TLN2: variants seen among roughly 807,000 people sequenced by gnomAD.
TLN2 encodes talin 2, also known as talin-2.
Under a neutral mutation model 294.7 loss-of-function variants are expected in TLN2, and 118 were observed. That is an observed-to-expected ratio of 0.40 (90% CI 0.34 to 0.47). The LOEUF is 0.47. Ranked by LOEUF, TLN2 falls within the 20% of genes least tolerant of loss-of-function variation. The probability of loss-of-function intolerance (pLI) is 0.84; values close to 1 mark genes in which losing one functional copy is unlikely to be tolerated. For missense variants in TLN2, 3,083 were observed against 3,282.2 expected, an observed-to-expected ratio of 0.94 and a Z score of 1.48; for synonymous variants, 1,431 against 1,304.5, an observed-to-expected ratio of 1.10 and a Z score of -2.09.
At chr15:62,678,409 A>G (rs570348672) in intron 11 of TLN2, among the ~76,000 whole-genome samples, 97 of 152,376 alleles carry the variant, frequency 6.4e-4, no homozygotes, top group African/African-American at 2.2e-3. Flanking sequence ...GGTGTTTGAT[A>G]AAACTCAACA....
intron 1 of TLN2, among the ~76,000 whole-genome samples, chr15:62,508,717 T>G (rs2039768322): frequency 6.6e-6 from 1 of 152,246 alleles, no homozygotes; most frequent in Admixed American, 6.5e-5. Context: ...TAAATTATCC[T>G]GGAAAATATG....
At position 62,491,337 on chromosome 15, in the gene TLN2, A is replaced by AT. The variant is rs1459674597; in HGVS notation, c.-237-98350_-237-98349insT. The stretch of plus-strand genomic sequence containing the variant: ...GCAAGACTCTGTCTCAAAAAAAAAA[A>AT]ATATATATATATATACACACACACA... On this transcript the variant is annotated intron_variant, in intron 1 of 58. Coordinates refer to ENST00000636159, the MANE Select transcript of TLN2 (RefSeq NM_015059.3). Among the ~76,000 whole-genome samples, 487 of 114,908 alleles carry AT rather than the reference A, an allele frequency of 4.2e-3. 2 individuals are homozygous for AT. Among genetic ancestry groups the AT allele is most frequent in the Non-Finnish European group, 6.3e-3 (350 of 55,986 alleles). 75.4% of individuals were successfully genotyped at this position (114,908 alleles called of 152,430 possible).
chr15:62,763,509 C>T, intron 39 of TLN2, 54 bp from the exon 40 acceptor site: 1 of 1,555,732 alleles, frequency 6.4e-7, no homozygotes, highest in South Asian at 1.2e-5. Flanking sequence ...CTGGAGCAGG[C>T]TGTGGGACTT....
intron 1 of TLN2, among the ~76,000 whole-genome samples, chr15:62,558,275 A>G (rs2042716740): frequency 6.6e-6 from 1 of 152,134 alleles, no homozygotes; most frequent in Non-Finnish European, 1.5e-5. Context: ...TCTGATGTAG[A>G]TATTATAGGA....
chr15:62,675,286 C>T lies in TLN2; in HGVS notation c.922C>T (p.Leu308Phe). Residue 308 changes from leucine (L) to phenylalanine (F), a missense_variant, in exon 11 of 59, where the codon CTC becomes TTC. Physicochemically the swap from Leu to Phe is conservative, Grantham distance 22 (BLOSUM62 0). Transcript: ENST00000636159. ...KVKYVKLARSLRTYGVSFFLV... is the reference protein window; with the variant it reads ...KVKYVKLARSFRTYGVSFFLV... The stretch of plus-strand genomic sequence containing the variant: ...CAAGTACGTCAAACTCGCACGGTCC[C>T]TCCGCACATATGGCGTGTCCTTCTT... The T allele has an allele frequency of 6.2e-7, 1 of 1,614,240 alleles. No homozygotes were observed. Among genetic ancestry groups the T allele is most frequent in the Non-Finnish European group, 8.5e-7 (1 of 1,180,046 alleles).
chr15:62,614,166 G>A (rs1432054452), intron 2 of TLN2, among the ~76,000 whole-genome samples: 1 of 152,130 alleles, frequency 6.6e-6, no homozygotes, highest in Non-Finnish European at 1.5e-5. Flanking sequence ...CAGGCTTACT[G>A]TACAAAAAAC....
At chr15:62,790,907 A>G (rs2065029956) in intron 45 of TLN2, among the ~76,000 whole-genome samples, 1 of 152,248 alleles carries the variant, frequency 6.6e-6, no homozygotes. Flanking sequence ...CGTGTTGTGC[A>G]GTCCAGAGGT....
intron 25 of TLN2, 52 bp downstream of exon 25, chr15:62,719,932 G>C (rs751264188): frequency 4.3e-6 from 6 of 1,406,424 alleles, no homozygotes; most frequent in South Asian, 4.2e-5. Flanking sequence ...TTCTGGGCAG[G>C]GGCTGCCCTT....
chr15:62,401,110 A>G (rs1233643851), intron 1 of TLN2, among the ~76,000 whole-genome samples: 1 of 152,106 alleles, frequency 6.6e-6, no homozygotes, highest in Non-Finnish European at 1.5e-5. Context: ...CTTATCAGTG[A>G]CACATAAGTG....
chr15:62,805,857 A>G (rs962422890), intron 51 of TLN2, 72 bp downstream of exon 51: 14 of 1,514,606 alleles, frequency 9.2e-6, no homozygotes, highest in Non-Finnish European at 1.2e-5. Flanking sequence ...GTGTAGTCTG[A>G]AAAAGGGGAG....
intron 1 of TLN2, among the ~76,000 whole-genome samples, chr15:62,466,590 A>G (rs915697674): frequency 6.6e-6 from 1 of 152,142 alleles, no homozygotes; most frequent in Admixed American, 6.5e-5. Context: ...TGCCCCTGGG[A>G]ATTTGTAAAC....
intron 2 of TLN2, among the ~76,000 whole-genome samples, chr15:62,600,033 A>G (rs1156318672): frequency 6.6e-6 from 1 of 152,164 alleles, no homozygotes; most frequent in Non-Finnish European, 1.5e-5. Context: ...GTTGAGAGGA[A>G]GGAGGGGATA....
intron 3 of TLN2, chr15:62,640,222 G>T (rs1290519000): frequency 2.2e-6 from 1 of 456,066 alleles, no homozygotes; most frequent in Non-Finnish European, 4.4e-6. Flanking sequence ...AGAAGGGGAA[G>T]CTCTTTCTTT....
chr15:62,739,890 T>C (rs748373748), intron 31 of TLN2, among the ~76,000 whole-genome samples: 2 of 152,156 alleles, frequency 1.3e-5, no homozygotes, highest in Non-Finnish European at 2.9e-5. Context: ...TAAAAATATA[T>C]ATGTATTTGA....
intron 28 of TLN2, 37 bp from the exon 29 acceptor site, chr15:62,736,841 G>T: frequency 6.2e-7 from 1 of 1,601,612 alleles, no homozygotes; most frequent in Non-Finnish European, 8.5e-7. Context: ...CATTTAGATG[G>T]AGTCTAATTG....
intron 48 of TLN2, among the ~76,000 whole-genome samples, chr15:62,798,918 G>T (rs991027947): frequency 6.6e-6 from 1 of 152,236 alleles, no homozygotes; most frequent in Non-Finnish European, 1.5e-5. Context: ...CGCTACAGGT[G>T]GTGGGTGCCT....
chr15:62,757,270 T>C (rs920223134), intron 37 of TLN2, among the ~76,000 whole-genome samples: 2 of 152,170 alleles, frequency 1.3e-5, no homozygotes, highest in African/African-American at 4.8e-5. Context: ...TTCACCTCTT[T>C]GGGATGGAGA....
chr15:62,405,803 C>G (rs1050596741), intron 1 of TLN2, among the ~76,000 whole-genome samples: 1 of 152,122 alleles, frequency 6.6e-6, no homozygotes, highest in Non-Finnish European at 1.5e-5. Context: ...TGGATTTTAA[C>G]AGTAATAAAG....
At chr15:62,837,448 G>A (rs930393728) in intron 57 of TLN2, among the ~76,000 whole-genome samples, 1 of 152,180 alleles carries the variant, frequency 6.6e-6, no homozygotes, top group Non-Finnish European at 1.5e-5. Context: ...TGGGGATAGA[G>A]CCATCCACAC....
Sources: gnomAD v4.1 joint callset for allele counts (sites outside exome capture counted in the v4.1 genomes callset) on GRCh38, gnomAD v4.1.1 for gene constraint, MANE v1.5 for transcripts, NCBI Gene and HGNC (gene_info 2026-07-23, HGNC 2026-07-21) for gene names.